The following NLRP4 variants were observed in gnomAD, a reference collection of about 807,000 sequenced individuals.
The protein encoded by NLRP4 is NACHT, LRR and PYD domains-containing protein 4.
NLRP4 carries 44 observed loss-of-function variants against 84.7 expected under a neutral mutation model. The ratio of observed to expected loss-of-function variants is 0.52; its 90% CI spans 0.41 to 0.67. The LOEUF (loss-of-function observed/expected upper bound fraction) is 0.67. Ranked by LOEUF, NLRP4 falls within the 30% of genes least tolerant of loss-of-function variation. The pLI, the probability that NLRP4 is intolerant of heterozygous loss-of-function variation, is 0.00. For synonymous variants in NLRP4, 544 were observed against 476.4 expected (o/e 1.14, Z -1.85); for missense variants, 1,260 against 1,219.4 (o/e 1.03, Z -0.50).
At chr19:55,874,730 C>A (rs370074827) in intron 7 of NLRP4, among the ~76,000 whole-genome samples, 1 of 152,138 alleles carries the variant, frequency 6.6e-6, no homozygotes, top group East Asian at 1.9e-4. Context: ...AGGAGAAACT[C>A]CCCACCATTT....
intron 2 of NLRP4, chr19:55,857,409 T>C (rs1984483317): frequency 2.0e-6 from 1 of 488,618 alleles, no homozygotes. Context: ...CCATATGGTT[T>C]CCATTTTAGG....
chr19:55,865,734 T>C (rs1984928910), intron 5 of NLRP4, among the ~76,000 whole-genome samples: 1 of 152,238 alleles, frequency 6.6e-6, no homozygotes, highest in African/African-American at 2.4e-5. Flanking sequence ...TTTCTTCATA[T>C]GGTTGTTGGC....
At chr19:55,840,332 A>ATGTGTG (rs1456624090) in intron 1 of NLRP4, among the ~76,000 whole-genome samples, 9 of 120,184 alleles carry the variant, frequency 7.5e-5, no homozygotes, top group African/African-American at 2.7e-4. Context: ...GTATAGACAT[A>ATGTGTG]TGTGTATGTG....
chr19:55,847,637 C>T (rs1030427528), intron 1 of NLRP4, among the ~76,000 whole-genome samples: 14 of 151,922 alleles, frequency 9.2e-5, no homozygotes, highest in Admixed American at 1.3e-4. Context: ...GTACATTTGT[C>T]ATAACTAATA....
At chr19:55,874,258 CAT>C (rs1985289495) in intron 7 of NLRP4, among the ~76,000 whole-genome samples, 1 of 152,048 alleles carries the variant, frequency 6.6e-6, no homozygotes, top group African/African-American at 2.4e-5. Context: ...ATATATCAAA[CAT>C]CACTTCAATA....
At chr19:55,874,272 G>A (rs966313976) in intron 7 of NLRP4, among the ~76,000 whole-genome samples, 1 of 152,054 alleles carries the variant, frequency 6.6e-6, no homozygotes, top group Non-Finnish European at 1.5e-5. Flanking sequence ...ACTTCAATAT[G>A]TAATCAGTAC....
intron 5 of NLRP4, among the ~76,000 whole-genome samples, chr19:55,864,892 A>G (rs1338264533): frequency 6.6e-6 from 1 of 152,136 alleles, no homozygotes; most frequent in Admixed American, 6.5e-5. Context: ...CTTTGGAGAA[A>G]TATATATTCA....
At chr19:55,861,289 ATCT>A (rs1984739595) in intron 3 of NLRP4, 94 bp from the exon 4 acceptor site, 14 of 1,018,676 alleles carry the variant, frequency 1.4e-5, no homozygotes, top group Non-Finnish European at 1.7e-5. Context: ...TGCCTCAGAC[ATCT>A]TCTGTTTGAG....
Position 55,858,374 on chromosome 19 carries a change from T to C in NLRP4, c.981T>C (p.Leu327=), listed in dbSNP as rs764440321. The C allele has an allele frequency of 6.2e-7, 1 of 1,614,200 alleles. No individual in the cohort carries two copies. The highest frequency in any genetic ancestry group is 2.2e-5 in the East Asian group (1 of 44,890). ...AAAGAGCCATGGAAGCCTTCAATCT[T>C]GTAAGAGAAAGTGAACAGCTGTTTT... is the stretch of plus-strand genomic sequence containing the variant. ...DPKRAMEAFN[L]VRESEQLFSI... is the part of the protein sequence containing the mutation. The change falls in exon 3 of 10, where the codon CTT becomes CTC. Residue 327 remains leucine, a synonymous_variant. Coordinates refer to ENST00000301295, the MANE Select transcript of NLRP4 (RefSeq NM_134444.5). This position sits in a 1 kb window ranked among gnomAD's most constrained non-coding sequence, Gnocchi z 4.2.
Position 55,857,720 on chromosome 19 carries a change from C to T in NLRP4, c.327C>T (p.Arg109=). 4 of 1,613,784 alleles carry T rather than the reference C, an allele frequency of 2.5e-6. No individual in the cohort carries two copies. Among genetic ancestry groups the T allele is most frequent in the Non-Finnish European group, 3.4e-6 (4 of 1,179,772 alleles). ...CTCACGCAAAGCAGAAATTCAGCCG[C>T]TTATGGTCCAGCAAGTCTGTCACTG... ...YQAHAKQKFS[R]LWSSKSVTEI... Residue 109 remains arginine (R), a synonymous_variant, in exon 3 of 10, where the codon CGC becomes CGT. Coordinates refer to ENST00000301295, the MANE Select transcript of NLRP4 (RefSeq NM_134444.5).
chr19:55,876,229 T>C (rs1269605921), intron 7 of NLRP4, among the ~76,000 whole-genome samples: 2 of 152,172 alleles, frequency 1.3e-5, no homozygotes, highest in Admixed American at 6.5e-5. Context: ...AGAGAGAGGA[T>C]AGACCTCCAA....
At chr19:55,839,992 A>C (rs1262332265) in intron 1 of NLRP4, among the ~76,000 whole-genome samples, 5 of 152,144 alleles carry the variant, frequency 3.3e-5, no homozygotes, top group Non-Finnish European at 1.5e-5. Context: ...TAATTTTGGA[A>C]TGTCCTTCAT....
At chr19:55,845,302 T>C (rs1362753113) in intron 1 of NLRP4, among the ~76,000 whole-genome samples, 1 of 148,816 alleles carries the variant, frequency 6.7e-6, no homozygotes, top group South Asian at 2.2e-4. Flanking sequence ...TTGCAATAGT[T>C]TGCTGAGAAT....
At chr19:55,838,259 G>A (rs394775) in intron 1 of NLRP4, among the ~76,000 whole-genome samples, 16,522 of 151,210 alleles carry the variant, frequency 0.11, 1,069 homozygotes, top group African/African-American at 0.18. Flanking sequence ...CCAAGATTGC[G>A]CCATTGCATT....
intron 1 of NLRP4, among the ~76,000 whole-genome samples, chr19:55,837,288 CTG>C (rs949896770): frequency 2.0e-4 from 31 of 152,164 alleles, no homozygotes; most frequent in African/African-American, 7.2e-4. Flanking sequence ...AGATGAAAAA[CTG>C]TACACCAAAC....
At chr19:55,878,367 C>T (rs1475387550) in intron 8 of NLRP4, among the ~76,000 whole-genome samples, 2 of 152,182 alleles carry the variant, frequency 1.3e-5, no homozygotes, top group African/African-American at 4.8e-5. Flanking sequence ...CTGCAGTGAG[C>T]CATGGTCATG....
At chr19:55,866,479 T>G (rs1158295016) in intron 5 of NLRP4, among the ~76,000 whole-genome samples, 1 of 152,238 alleles carries the variant, frequency 6.6e-6, no homozygotes, top group Non-Finnish European at 1.5e-5. Flanking sequence ...CTTTCATCTT[T>G]ATTCTGTTGT....
chr19:55,859,641 A>G (rs549303149), intron 3 of NLRP4, among the ~76,000 whole-genome samples: 3 of 152,180 alleles, frequency 2.0e-5, no homozygotes, highest in African/African-American at 4.8e-5. Flanking sequence ...CTAAAAAATC[A>G]TACAGCCCGG....
chr19:55,844,877 G>A (rs1455883034), intron 1 of NLRP4, among the ~76,000 whole-genome samples: 1 of 152,068 alleles, frequency 6.6e-6, no homozygotes, highest in East Asian at 1.9e-4. Context: ...GAGTGTGTGT[G>A]CGTGTGTGTA....
Sources: gnomAD v4.1 joint callset for allele counts (sites outside exome capture counted in the v4.1 genomes callset) on GRCh38, gnomAD v4.1.1 for gene constraint, Gnocchi (gnomAD v3.1) non-coding constraint, MANE v1.5 for transcripts, NCBI Gene and HGNC (gene_info 2026-07-23, HGNC 2026-07-21) for gene names.